The following NIPSNAP3B variants were observed in gnomAD, a reference collection of about 807,000 sequenced individuals.
The protein encoded by NIPSNAP3B is protein NipSnap homolog 3B.
In NIPSNAP3B, 30 loss-of-function variants were observed where a neutral mutation model predicts 31.5. That is an observed-to-expected ratio of 0.95 (90% CI 0.71 to 1.29). The LOEUF is 1.29. Among genes scored for constraint, NIPSNAP3B ranks in the 50% most tolerant of loss-of-function variants. The pLI, the probability that NIPSNAP3B is intolerant of heterozygous loss-of-function variation, is 0.00. For synonymous variants in NIPSNAP3B, 106 were observed against 107.9 expected (o/e 0.98, Z 0.11); for missense variants, 269 against 300.7 (o/e 0.89, Z 0.78).
the NIPSNAP3B span, chr9:104,784,593 G>T: frequency 4.9e-6 from 5 of 1,023,336 alleles, no homozygotes; most frequent in Non-Finnish European, 7.3e-6. Flanking sequence ...CTAGAAAACT[G>T]TGTGTGAAGG....
At chr9:104,784,566 T>C in the NIPSNAP3B span, 2 of 1,271,008 alleles carry the variant, frequency 1.6e-6, no homozygotes, top group Non-Finnish European at 2.2e-6. Flanking sequence ...GCATACAGAA[T>C]TACATAAATG....
At chr9:104,771,111 G>C in intron 4 of NIPSNAP3B, 113 bp downstream of exon 4, 1 of 932,324 alleles carries the variant, frequency 1.1e-6, no homozygotes, top group Non-Finnish European at 1.6e-6. Context: ...AGAGTTTGTT[G>C]TTTATAGGAT....
chr9:104,770,405 G>T (rs895111907), intron 3 of NIPSNAP3B, among the ~76,000 whole-genome samples: 1 of 152,062 alleles, frequency 6.6e-6, no homozygotes, highest in Non-Finnish European at 1.5e-5. Flanking sequence ...TTATACAAAG[G>T]AAAAAGTTAT....
intron 1 of NIPSNAP3B, among the ~76,000 whole-genome samples, chr9:104,764,996 T>G (rs968984761): frequency 7.9e-5 from 12 of 152,236 alleles, no homozygotes; most frequent in African/African-American, 2.7e-4. Context: ...TTGGCCCATT[T>G]TCCGAGATAA....
downstream of NIPSNAP3B, among the ~76,000 whole-genome samples, chr9:104,778,095 C>T (rs1414540778): frequency 1.3e-5 from 2 of 151,986 alleles, no homozygotes; most frequent in African/African-American, 4.8e-5. Context: ...CTCTCACTGG[C>T]CAGTCCCTCT....
chr9:104,778,040 C>A (rs1401077137), downstream of NIPSNAP3B, among the ~76,000 whole-genome samples: 1 of 152,192 alleles, frequency 6.6e-6, no homozygotes, highest in African/African-American at 2.4e-5. Flanking sequence ...AACAATAATT[C>A]TCTGAGCTTC....
At chr9:104,781,327 G>A (rs967923678), downstream of NIPSNAP3B, 110 of 152,618 alleles carry the variant, frequency 7.2e-4, 1 homozygote, top group Admixed American at 6.7e-3. Flanking sequence ...AATCCTTATG[G>A]AAATAGAAAC....
rs565850921 is a variant in NIPSNAP3B, at chr9:104,766,416, C to T, written c.152C>T (p.Ala51Val). The change falls in exon 2 of 6, where the codon GCG (alanine) becomes GTG (valine). Residue 51 changes from alanine to valine, a missense_variant. Ala to Val is a moderately conservative substitution (Grantham distance 64, BLOSUM62 0). Transcript: ENST00000374762. ...TACCTTAAACCTTCAAATATGAATG[C>T]GTTCATGGAAAATCTTAAGAAAAAC... ...TYYLKPSNMNAFMENLKKNIH... is the reference protein window; with the variant it reads ...TYYLKPSNMNVFMENLKKNIH... The T allele has an allele frequency of 6.2e-6, 10 of 1,613,560 alleles. No individual in the cohort carries two copies. The highest frequency in any genetic ancestry group is 4.4e-5 in the South Asian group (4 of 91,070).
intron 3 of NIPSNAP3B, among the ~76,000 whole-genome samples, chr9:104,769,396 G>T (rs1252043794): frequency 6.8e-6 from 1 of 147,052 alleles, no homozygotes; most frequent in African/African-American, 2.6e-5. Flanking sequence ...GGAGCTTCCA[G>T]TGAGCCGAGA....
At chr9:104,785,706 TG>T in the NIPSNAP3B span, 4 of 1,600,604 alleles carry the variant, frequency 2.5e-6, no homozygotes, top group African/African-American at 4.0e-5. Context: ...TACTGAACCC[TG>T]GGAACCCAAC....
At chr9:104,772,712 C>A in intron 4 of NIPSNAP3B, 110 bp from the exon 5 acceptor site, 3 of 1,315,044 alleles carry the variant, frequency 2.3e-6, no homozygotes, top group Non-Finnish European at 3.2e-6. Flanking sequence ...TTAGTTTTAC[C>A]TTTTGATTTT....
downstream of NIPSNAP3B, among the ~76,000 whole-genome samples, chr9:104,778,844 C>T (rs973762133): frequency 6.6e-6 from 1 of 152,142 alleles, no homozygotes; most frequent in African/African-American, 2.4e-5. Context: ...TAGGTCACAC[C>T]ACTACTGTTT....
At position 104,774,549 on chromosome 9, in the gene NIPSNAP3B, G is replaced by C. The variant is rs1246940561; in HGVS notation, c.*1476G>C. 6.6e-6 allele frequency among the ~76,000 whole-genome samples: 1 copy of C among 152,114 alleles called. No individual in the cohort carries two copies. The highest frequency in any genetic ancestry group is 2.1e-4 in the South Asian group (1 of 4,826). On this transcript the variant is annotated 3_prime_UTR_variant, in exon 6 of 6. Transcript: ENST00000374762. ...GCTTCAGACTGTTATAGTACCTTAG[G>C]GTTATGAACATCAATTACCTTTGAG...
At chr9:104,782,525 G>C (rs76321849), downstream of NIPSNAP3B, 1 of 152,094 alleles carries the variant, frequency 6.6e-6, no homozygotes, top group African/African-American at 2.4e-5. Flanking sequence ...TTAACAGTAA[G>C]TATTAGTGAA....
the NIPSNAP3B span, among the ~76,000 whole-genome samples, chr9:104,787,465 C>T: frequency 6.6e-6 from 1 of 152,002 alleles, no homozygotes; most frequent in Non-Finnish European, 1.5e-5. Flanking sequence ...GGCTTCTTCC[C>T]GTAATAACAT....
intron 4 of NIPSNAP3B, 77 bp downstream of exon 4, chr9:104,771,075 GT>G: frequency 7.5e-7 from 1 of 1,335,664 alleles, no homozygotes; most frequent in Non-Finnish European, 1.0e-6. Flanking sequence ...TTTGGTACCT[GT>G]TTTAATTTTT....
chr9:104,788,387 G>A, the NIPSNAP3B span: 8 of 1,613,888 alleles, frequency 5.0e-6, no homozygotes, highest in South Asian at 7.7e-5. Flanking sequence ...TTGTCAGGAT[G>A]CCAAAGGAGA....
At chr9:104,766,112 G>A (rs1828084985) in intron 1 of NIPSNAP3B, among the ~76,000 whole-genome samples, 1 of 152,180 alleles carries the variant, frequency 6.6e-6, no homozygotes, top group Non-Finnish European at 1.5e-5. Flanking sequence ...GTAGACCCCT[G>A]CTAGGAAACA....
Position 104,777,709 on chromosome 9 carries a change from GC to G in NIPSNAP3B, c.*4637del, listed in dbSNP as rs1308610765. Among the ~76,000 whole-genome samples, 28 of 152,228 alleles carry G rather than the reference GC, an allele frequency of 1.8e-4. No individual in the cohort carries two copies. Among genetic ancestry groups the G allele is most frequent in the African/African-American group, 6.0e-4 (25 of 41,464 alleles). ...AGGAAGGGCACGATGATGCCCAGGT[GC>G]AGCCTATATTATTAACAGACAAGGA... On this transcript the variant is annotated 3_prime_UTR_variant, in exon 6 of 6. Coordinates refer to ENST00000374762, the MANE Select transcript of NIPSNAP3B (RefSeq NM_018376.4).
Sources: allele counts gnomAD v4.1 joint callset (sites outside exome capture counted in the v4.1 genomes callset), GRCh38; gene constraint gnomAD v4.1.1; transcripts MANE v1.5; gene names NCBI Gene and HGNC (gene_info 2026-07-23, HGNC 2026-07-21).